The following STAB2 variants were observed in gnomAD, a reference collection of about 807,000 sequenced individuals.
The protein encoded by STAB2 is stabilin-2.
A neutral mutation model predicts 338.1 loss-of-function variants in STAB2; 288 were observed. That is an observed-to-expected ratio of 0.85 (90% CI 0.77 to 0.94). STAB2 has a LOEUF of 0.94. Among genes scored for constraint, STAB2 ranks in the 40% least tolerant of loss-of-function variants. The pLI is 0.00. For synonymous variants in STAB2, 1,202 were observed against 1,193.3 expected, an observed-to-expected ratio of 1.01 and a Z score of -0.15; for missense variants, 3,141 against 3,210.1, an observed-to-expected ratio of 0.98 and a Z score of 0.52.
At chr12:103,739,888 CAGAG>C (rs1472967692) in intron 54 of STAB2, among the ~76,000 whole-genome samples, 1 of 152,078 alleles carries the variant, frequency 6.6e-6, no homozygotes, top group Non-Finnish European at 1.5e-5. Context: ...AAATGGGTCT[CAGAG>C]AGGGTAAGCA....
intron 13 of STAB2, 172 bp downstream of exon 13, chr12:103,654,870 T>A (rs1486696175): frequency 1.2e-6 from 1 of 830,512 alleles, no homozygotes; most frequent in African/African-American, 1.7e-5. Flanking sequence ...TGGGAATCTC[T>A]GCAGAAAGAA....
chr12:103,595,431 A>G (rs1248317387), intron 3 of STAB2, among the ~76,000 whole-genome samples: 2 of 152,160 alleles, frequency 1.3e-5, no homozygotes, highest in Non-Finnish European at 2.9e-5. Flanking sequence ...AAAAATATCA[A>G]TTTGTATTCT....
At chr12:103,607,647 T>C (rs1469154596) in intron 3 of STAB2, among the ~76,000 whole-genome samples, 1 of 152,190 alleles carries the variant, frequency 6.6e-6, no homozygotes, top group Non-Finnish European at 1.5e-5. Flanking sequence ...TTTGGTTTTT[T>C]GTCCTTGTGA....
Position 103,755,612 on chromosome 12 carries a change from A to G in STAB2, c.6881A>G (p.Asp2294Gly). 1 of 1,613,980 alleles carries G rather than the reference A, an allele frequency of 6.2e-7. No homozygotes were observed. Among genetic ancestry groups the G allele is most frequent in the Non-Finnish European group, 8.5e-7 (1 of 1,179,974 alleles). ...GACCCTGTGTGCCTCTGCCCTCCAGATGTGAACTGCACCTGCAAGGTGGGC... is the reference window on the plus strand; with the variant it reads ...GACCCTGTGTGCCTCTGCCCTCCAGGTGTGAACTGCACCTGCAAGGTGGGC... ...MWDVFCYRMK[D>G]VNCTCKVGYV... Residue 2294 changes from aspartate (D) to glycine (G), a missense_variant and splice_region_variant, in exon 63 of 69, where the codon GAT (aspartate) becomes GGT (glycine). By Grantham distance (94) the Asp-to-Gly change is moderately conservative (BLOSUM62 -1). Coordinates refer to ENST00000388887, the MANE Select transcript of STAB2 (RefSeq NM_017564.10).
chr12:103,749,872 A>G (rs11111746), intron 59 of STAB2, among the ~76,000 whole-genome samples: 43,583 of 131,414 alleles, frequency 0.33, 8,149 homozygotes, highest in East Asian at 0.49. Context: ...AAAAAAAAAA[A>G]GCTGGTAAGA....
At position 103,703,168 on chromosome 12, in the gene STAB2, A is replaced by C; in HGVS notation, c.3735A>C (p.Pro1245=). 1 of 1,613,868 alleles carries C rather than the reference A, an allele frequency of 6.2e-7. No homozygotes were observed. Among genetic ancestry groups the C allele is most frequent in the Admixed American group, 1.7e-5 (1 of 59,986 alleles). The change falls in exon 35 of 69, where the codon CCA becomes CCC. Residue 1245 remains proline (P), a synonymous_variant. Coordinates refer to ENST00000388887, the MANE Select transcript of STAB2 (RefSeq NM_017564.10). Reference sequence around the variant, plus strand: ...CACAGCTCTATGTAAATGAGGCTCCAATAAACTACACCAATGTAGCCACTG... The same window carrying C: ...CACAGCTCTATGTAAATGAGGCTCCCATAAACTACACCAATGTAGCCACTG... ...HNDQLYVNEA[P]INYTNVATDK...
At chr12:103,622,347 A>AC (rs1315664043) in intron 5 of STAB2, among the ~76,000 whole-genome samples, 1 of 108,936 alleles carries the variant, frequency 9.2e-6, no homozygotes, top group African/African-American at 3.4e-5. Flanking sequence ...AGATTTATAG[A>AC]CAAAAAAAGG....
intron 43 of STAB2, 150 bp from the exon 44 acceptor site, chr12:103,717,620 T>C: frequency 1.5e-6 from 1 of 652,948 alleles, no homozygotes; most frequent in South Asian, 2.0e-5. Context: ...GGGTGACAAT[T>C]ATCATTATAA....
chr12:103,695,876 A>G (rs1289858445), intron 33 of STAB2, 32 bp downstream of exon 33: 1 of 1,602,552 alleles, frequency 6.2e-7, no homozygotes, highest in Admixed American at 1.7e-5. Flanking sequence ...TAGGGAAGTT[A>G]TTTTGTGAAA....
intron 18 of STAB2, among the ~76,000 whole-genome samples, chr12:103,664,269 G>A (rs1220891168): frequency 3.9e-5 from 6 of 152,004 alleles, no homozygotes; most frequent in Non-Finnish European, 7.4e-5. Flanking sequence ...TCAGCCTCCC[G>A]AGTAGCTGGG....
At position 103,712,385 on chromosome 12, in the gene STAB2, T is replaced by C. The variant is rs779627599; in HGVS notation, c.4353T>C (p.Asp1451=). The C allele has an allele frequency of 1.9e-6, 3 of 1,614,074 alleles. No individual in the cohort carries two copies. The highest frequency in any genetic ancestry group is 2.2e-5 in the South Asian group (2 of 91,090). The change falls in exon 41 of 69, where the codon GAT becomes GAC. Residue 1451 remains aspartate (D), a synonymous_variant. Transcript: ENST00000388887. Reference sequence around the variant, plus strand: ...GTTGCAGCTGCCTCACCAACTCAGATGGTACAGCTTCATGCAAGTGTGCAG... The same window carrying C: ...GTTGCAGCTGCCTCACCAACTCAGACGGTACAGCTTCATGCAAGTGTGCAG... The part of the protein sequence containing the change: ...HTSANCLTNS[D]GTASCKCAAG...
chr12:103,687,790 C>T (rs1877564267), intron 27 of STAB2, among the ~76,000 whole-genome samples: 1 of 152,082 alleles, frequency 6.6e-6, no homozygotes, highest in Non-Finnish European at 1.5e-5. Flanking sequence ...CACTACTCAC[C>T]AACGGCTCTG....
chr12:103,623,836 C>A (rs703614), intron 5 of STAB2, among the ~76,000 whole-genome samples: 77,606 of 151,880 alleles, frequency 0.51, 20,230 homozygotes, highest in Non-Finnish European at 0.56. Context: ...AGGGAGCACC[C>A]AGGCCAAGCG....
At chr12:103,756,264 T>C (rs1275580508) in intron 63 of STAB2, among the ~76,000 whole-genome samples, 1 of 152,190 alleles carries the variant, frequency 6.6e-6, no homozygotes, top group Admixed American at 6.5e-5. Flanking sequence ...GAAAGCCTCA[T>C]CTGGAGAAAG....
At chr12:103,651,120 A>G (rs971879585) in intron 11 of STAB2, among the ~76,000 whole-genome samples, 3 of 152,162 alleles carry the variant, frequency 2.0e-5, no homozygotes, top group Non-Finnish European at 4.4e-5. Context: ...TGCCTGGTGG[A>G]GGCGTCCTAT....
intron 56 of STAB2, among the ~76,000 whole-genome samples, chr12:103,743,253 C>A (rs1444024568): frequency 6.6e-6 from 1 of 151,974 alleles, no homozygotes; most frequent in Non-Finnish European, 1.5e-5. Context: ...AACTCCCGAC[C>A]TCAGGTGATC....
intron 48 of STAB2, 70 bp from the exon 49 acceptor site, chr12:103,730,046 T>C: frequency 1.4e-6 from 2 of 1,461,064 alleles, no homozygotes; most frequent in South Asian, 1.5e-5. Context: ...TGGTAAAGCA[T>C]TCTGTGAGAA....
chr12:103,662,980 A>G lies in STAB2; in HGVS notation c.2004A>G (p.Thr668=). 6.2e-7 allele frequency: 1 copy of G among 1,614,102 alleles called. No homozygotes were observed. The highest frequency in any genetic ancestry group is 8.5e-7 in the Non-Finnish European group (1 of 1,179,976). Residue 668 remains threonine (T), a synonymous_variant, in exon 18 of 69, where the codon ACA becomes ACG. Coordinates refer to ENST00000388887, the MANE Select transcript of STAB2 (RefSeq NM_017564.10). Reference sequence around the variant, plus strand: ...TTCTGCCCCATCGATGTGATGAAACAAAGAGAGAGATGAAACTGGTAAGAA... The same window carrying G: ...TTCTGCCCCATCGATGTGATGAAACGAAGAGAGAGATGAAACTGGTAAGAA... The part of the protein sequence containing the change: ...VPILPHRCDE[T]KREMKLGTCV...
chr12:103,621,792 A>T (rs372804898), intron 4 of STAB2, among the ~76,000 whole-genome samples: 2 of 152,250 alleles, frequency 1.3e-5, no homozygotes, highest in Admixed American at 6.5e-5. Flanking sequence ...GGCTGCTAGC[A>T]CTTGCTATCT....
Sources: gnomAD v4.1 joint callset for allele counts (sites outside exome capture counted in the v4.1 genomes callset) on GRCh38, gnomAD v4.1.1 for gene constraint, MANE v1.5 for transcripts, NCBI Gene and HGNC (gene_info 2026-07-23, HGNC 2026-07-21) for gene names.